The following LRRC74A variants were observed in gnomAD, a reference collection of about 807,000 sequenced individuals.
LRRC74A encodes leucine-rich repeat-containing protein 74A.
Under a neutral mutation model 57.9 loss-of-function variants are expected in LRRC74A, and 44 were observed. The observed-to-expected ratio is 0.76, with a 90% CI of 0.60 to 0.98. The LOEUF is 0.98. LRRC74A is among the 50% of genes least tolerant of loss of function. LRRC74A has a pLI of 0.00. For missense variants in LRRC74A, 572 were observed against 574.0 expected (o/e 1.00, Z 0.04); for synonymous variants, 211 against 219.4 (o/e 0.96, Z 0.34).
intron 5 of LRRC74A, among the ~76,000 whole-genome samples, chr14:76,843,287 C>CAAAAAAAAAAA: frequency 7.7e-6 from 1 of 130,542 alleles, no homozygotes; most frequent in Non-Finnish European, 1.6e-5. Context: ...GACTCCGTCT[C>CAAAAAAAAAAA]AAAAAAAAAA....
chr14:76,831,598 C>G (rs1056868308), intron 3 of LRRC74A, among the ~76,000 whole-genome samples: 2 of 152,046 alleles, frequency 1.3e-5, no homozygotes, highest in Admixed American at 1.3e-4. Context: ...CTTGCAGAGA[C>G]TTTGAGGAGA....
At chr14:76,852,582 C>A in intron 8 of LRRC74A, 132 bp downstream of exon 8, 3 of 527,642 alleles carry the variant, frequency 5.7e-6, no homozygotes, top group East Asian at 3.7e-5. Context: ...AAATACTTTT[C>A]AAGTTATTGT....
intron 7 of LRRC74A, 35 bp from the exon 8 acceptor site, chr14:76,852,330 T>C: frequency 6.6e-7 from 1 of 1,524,104 alleles, no homozygotes; most frequent in Non-Finnish European, 9.0e-7. Flanking sequence ...TTCTGGGCTG[T>C]GGGAGATGCT....
At chr14:76,850,861 A>AAAAAAAAAAAAG (rs773711469) in intron 7 of LRRC74A, among the ~76,000 whole-genome samples, 7 of 96,532 alleles carry the variant, frequency 7.3e-5, no homozygotes, top group Non-Finnish European at 8.4e-5. Context: ...AAAAAAAAAA[A>AAAAAAAAAAAAG]AAAGAAAGAA....
intron 4 of LRRC74A, among the ~76,000 whole-genome samples, chr14:76,836,827 G>A (rs1896382579): frequency 6.7e-6 from 1 of 148,930 alleles, no homozygotes. Flanking sequence ...ACTTCTGTCT[G>A]GACCTTAGAA....
chr14:76,841,932 G>A (rs1413007203), intron 5 of LRRC74A, among the ~76,000 whole-genome samples: 4 of 151,934 alleles, frequency 2.6e-5, no homozygotes, highest in Non-Finnish European at 4.4e-5. Flanking sequence ...GGCTGGTCTC[G>A]AATTCCCAGC....
intron 12 of LRRC74A, 61 bp downstream of exon 12, chr14:76,866,136 G>A (rs995697051): frequency 8.0e-7 from 1 of 1,242,888 alleles, no homozygotes; most frequent in African/African-American, 1.5e-5. Context: ...TTGTGTGTCA[G>A]AGAGAGGGGA....
intron 9 of LRRC74A, among the ~76,000 whole-genome samples, chr14:76,855,462 C>T (rs1187130307): frequency 1.3e-5 from 2 of 152,154 alleles, no homozygotes; most frequent in African/African-American, 4.8e-5. Context: ...CCACAATGAC[C>T]ATATGTAATG....
chr14:76,852,553 G>T, intron 8 of LRRC74A, 103 bp downstream of exon 8: 2 of 732,856 alleles, frequency 2.7e-6, no homozygotes, highest in Non-Finnish European at 4.4e-6. Context: ...CATCAATGAG[G>T]GCATACTGGG....
intron 5 of LRRC74A, among the ~76,000 whole-genome samples, chr14:76,843,214 T>C (rs550163116): frequency 2.5e-4 from 37 of 146,126 alleles, no homozygotes; most frequent in African/African-American, 9.6e-4. Flanking sequence ...ACCCAGGAGA[T>C]GGAGGTTGCA....
In LRRC74A at chr14:76,836,210, A is replaced by C. The variant is rs1160602908; in HGVS notation, c.343A>C (p.Asn115His). ...TKAIAIALVSNMAVTKLELED... is the reference protein window; with the variant it reads ...TKAIAIALVSHMAVTKLELED... ...CCTCCCCTTGTGCTGGCTGAAGTCC[A>C]ACATGGCTGTTACCAAACTGGAGCT... The change falls in exon 4 of 14, where the codon AAC becomes CAC. Residue 115 changes from asparagine (N) to histidine (H), a missense_variant. Transcript: ENST00000689127. 1.2e-6 allele frequency: 2 copies of C among 1,613,018 alleles called. No homozygotes were observed. Among genetic ancestry groups the C allele is most frequent in the African/African-American group, 2.7e-5 (2 of 74,910 alleles).
At chr14:76,828,046 G>A (rs1895702919) in intron 1 of LRRC74A, among the ~76,000 whole-genome samples, 1 of 152,220 alleles carries the variant, frequency 6.6e-6, no homozygotes, top group African/African-American at 2.4e-5. Context: ...AAGGGGGAAG[G>A]AGCAGCCGGT....
chr14:76,850,677 A>G (rs1039629624), intron 7 of LRRC74A, among the ~76,000 whole-genome samples: 11 of 151,746 alleles, frequency 7.2e-5, no homozygotes, highest in East Asian at 3.9e-4. Flanking sequence ...GACCAGCCTG[A>G]CCAACATGAT....
intron 11 of LRRC74A, among the ~76,000 whole-genome samples, chr14:76,864,233 C>A (rs988124358): frequency 3.3e-5 from 5 of 152,052 alleles, no homozygotes; most frequent in African/African-American, 1.2e-4. Context: ...GGAAATGTAG[C>A]TTTGGGAGGC....
intron 5 of LRRC74A, among the ~76,000 whole-genome samples, chr14:76,839,198 G>A (rs769667024): frequency 3.3e-5 from 5 of 152,120 alleles, no homozygotes; most frequent in South Asian, 2.1e-4. Flanking sequence ...TTTCTAGATC[G>A]ACACCCAGGA....
At chr14:76,845,094 C>T (rs987098436) in intron 7 of LRRC74A, among the ~76,000 whole-genome samples, 193 bp downstream of exon 7, 1 of 152,188 alleles carries the variant, frequency 6.6e-6, no homozygotes. Flanking sequence ...GAGCCTGAGG[C>T]AGAAGGATTG....
intron 7 of LRRC74A, among the ~76,000 whole-genome samples, chr14:76,845,849 T>C (rs761042506): frequency 6.6e-5 from 10 of 152,144 alleles, no homozygotes; most frequent in African/African-American, 2.4e-4. Flanking sequence ...TGAAACCCCA[T>C]CTCTACTAAA....
chr14:76,857,556 C>A, intron 10 of LRRC74A, 81 bp downstream of exon 10: 2 of 1,002,186 alleles, frequency 2.0e-6, no homozygotes, highest in South Asian at 1.4e-5. Context: ...TTGGCCAGAG[C>A]CAACAGCTCT....
intron 10 of LRRC74A, among the ~76,000 whole-genome samples, chr14:76,860,043 T>C (rs1212181736): frequency 1.3e-5 from 2 of 152,180 alleles, no homozygotes; most frequent in East Asian, 3.8e-4. Context: ...AATTCCTCTT[T>C]TGTAGATGCT....
Sources: gnomAD v4.1 joint callset for allele counts (sites outside exome capture counted in the v4.1 genomes callset) on GRCh38, gnomAD v4.1.1 for gene constraint, MANE v1.5 for transcripts, NCBI Gene and HGNC (gene_info 2026-07-23, HGNC 2026-07-21) for gene names.